Variants in KLF8 observed in about 807,000 individuals in gnomAD.
KLF8 encodes KLF transcription factor 8, also known as Krueppel-like factor 8.
A neutral mutation model predicts 18.2 loss-of-function variants in KLF8; 10 were observed. That is an observed-to-expected ratio of 0.55 (90% CI 0.34 to 0.93). The LOEUF (loss-of-function observed/expected upper bound fraction) is 0.93, where lower values mean the gene tolerates loss of function less well. Ranked by LOEUF, KLF8 falls within the 40% of genes least tolerant of loss-of-function variation. The pLI is 0.02. For missense variants in KLF8, 264 were observed against 277.9 expected (o/e 0.95, Z 0.36); for synonymous variants, 109 against 97.3 (o/e 1.12, Z -0.71).
the KLF8 span, among the ~76,000 whole-genome samples, chrX:56,084,272 G>A: frequency 9.1e-6 from 1 of 110,455 alleles, no homozygotes; most frequent in Non-Finnish European, 1.9e-5. Context: ...GGTCCCAGCT[G>A]CTTGGGAGGC....
At chrX:56,018,058 G>A in the KLF8 span, among the ~76,000 whole-genome samples, 3 of 111,546 alleles carry the variant, frequency 2.7e-5, no homozygotes, top group Non-Finnish European at 5.7e-5. Flanking sequence ...ATCTCTTCTA[G>A]CTGTTTTGAA....
At chrX:55,963,534 A>G in the KLF8 span, among the ~76,000 whole-genome samples, 1 of 110,384 alleles carries the variant, frequency 9.1e-6, no homozygotes, top group Non-Finnish European at 1.9e-5. Context: ...TTACAATAAA[A>G]TTACTGAAGA....
At chrX:55,943,833 C>T in the KLF8 span, among the ~76,000 whole-genome samples, 1 of 112,236 alleles carries the variant, frequency 8.9e-6, no homozygotes, top group Non-Finnish European at 1.9e-5. Flanking sequence ...TCTCTGGAAC[C>T]TCATTCCGAA....
chrX:56,268,037 G>C (rs1012362748), intron 3 of KLF8: 1 of 110,756 alleles, frequency 9.0e-6, no homozygotes, highest in African/African-American at 3.3e-5. Context: ...CCACATATGA[G>C]TGAGATCATG....
At chrX:55,963,026 A>G in the KLF8 span, among the ~76,000 whole-genome samples, 1 of 111,956 alleles carries the variant, frequency 8.9e-6, no homozygotes, top group African/African-American at 3.2e-5. Flanking sequence ...AAAATAAAAG[A>G]TGTTGTTTTC....
At chrX:56,020,308 T>C in the KLF8 span, among the ~76,000 whole-genome samples, 1 of 111,778 alleles carries the variant, frequency 8.9e-6, no homozygotes, top group African/African-American at 3.3e-5. Flanking sequence ...AAGATTTTGG[T>C]GTTTAGAAAC....
At chrX:55,964,689 C>T in the KLF8 span, among the ~76,000 whole-genome samples, 5 of 111,468 alleles carry the variant, frequency 4.5e-5, no homozygotes, top group African/African-American at 1.3e-4. Context: ...GAGGAAAGAT[C>T]CACATGAACA....
chrX:56,029,690 T>C, the KLF8 span, among the ~76,000 whole-genome samples: 1 of 112,123 alleles, frequency 8.9e-6, no homozygotes, highest in Non-Finnish European at 1.9e-5. Context: ...ATCACCTTGC[T>C]TCTCTTTTAG....
chrX:56,104,551 C>T, the KLF8 span, among the ~76,000 whole-genome samples: 8 of 111,347 alleles, frequency 7.2e-5, no homozygotes, highest in South Asian at 3.8e-4. Context: ...TCTGTGGGAT[C>T]GGTGGTGATA....
At chrX:56,228,210 T>A (rs945796054), upstream of KLF8, among the ~76,000 whole-genome samples, 2 of 112,402 alleles carry the variant, frequency 1.8e-5, no homozygotes, top group Non-Finnish European at 3.7e-5. Flanking sequence ...AGAAAGAGAC[T>A]CAACCTAAAG....
the KLF8 span, among the ~76,000 whole-genome samples, chrX:56,079,269 G>T: frequency 1.8e-5 from 2 of 111,176 alleles, no homozygotes; most frequent in Admixed American, 9.6e-5. Flanking sequence ...TGCTTCTCTT[G>T]TGGGCATTTA....
At chrX:56,264,797 G>C (rs1026047668) in intron 2 of KLF8, among the ~76,000 whole-genome samples, 1 of 110,682 alleles carries the variant, frequency 9.0e-6, no homozygotes, top group African/African-American at 3.3e-5. Context: ...TATTTATTAT[G>C]GTATGATTTA....
At chrX:56,212,157 C>A in the KLF8 span, among the ~76,000 whole-genome samples, 3 of 111,628 alleles carry the variant, frequency 2.7e-5, no homozygotes, top group South Asian at 1.1e-3. Flanking sequence ...GACCAGAGTC[C>A]TATCTTGCTG....
chrX:56,229,494 G>A (rs1438128416), upstream of KLF8, among the ~76,000 whole-genome samples: 1 of 111,666 alleles, frequency 9.0e-6, no homozygotes, highest in East Asian at 2.8e-4. Context: ...AGACGGACAG[G>A]GAAATTTATC....
chrX:56,186,056 C>T, the KLF8 span, among the ~76,000 whole-genome samples: 4 of 112,106 alleles, frequency 3.6e-5, no homozygotes, highest in Non-Finnish European at 7.5e-5. Flanking sequence ...GCACTAAATG[C>T]TCCAATTAAA....
the KLF8 span, among the ~76,000 whole-genome samples, chrX:55,952,218 C>T: frequency 1.8e-5 from 2 of 111,947 alleles, no homozygotes; most frequent in African/African-American, 3.3e-5. Flanking sequence ...ATGTTGCCTA[C>T]GAACAGAGCC....
At chrX:56,052,466 T>G in the KLF8 span, among the ~76,000 whole-genome samples, 6 of 105,567 alleles carry the variant, frequency 5.7e-5, no homozygotes, top group African/African-American at 1.0e-4. Flanking sequence ...GTCCTTTCTG[T>G]TTGTTAGTTT....
the KLF8 span, among the ~76,000 whole-genome samples, chrX:56,203,301 G>A: frequency 2.7e-5 from 3 of 111,756 alleles, no homozygotes; most frequent in Non-Finnish European, 5.7e-5. Flanking sequence ...TGTTGTTTGA[G>A]CTCCATATAC....
At chrX:56,189,023 A>T in the KLF8 span, among the ~76,000 whole-genome samples, 1 of 111,798 alleles carries the variant, frequency 8.9e-6, no homozygotes, top group Non-Finnish European at 1.9e-5. Flanking sequence ...GACAAATGGG[A>T]TCTAATTAAA....
Sources: allele counts gnomAD v4.1 joint callset (sites outside exome capture counted in the v4.1 genomes callset), GRCh38; gene constraint gnomAD v4.1.1; transcripts MANE v1.5; gene names NCBI Gene and HGNC (gene_info 2026-07-23, HGNC 2026-07-21).